The following POTEJ variants were observed in gnomAD, a reference collection of about 807,000 sequenced individuals.
POTEJ encodes the protein POTE ankyrin domain family, member J.
Under a neutral mutation model 69.0 loss-of-function variants are expected in POTEJ, and 11 were observed. The observed-to-expected ratio is 0.16, with a 90% CI of 0.10 to 0.26. POTEJ has a LOEUF of 0.26. Ranked by LOEUF, POTEJ falls within the 10% of genes least tolerant of loss-of-function variation. The pLI, the probability that POTEJ is intolerant of heterozygous loss-of-function variation, is 1.00. For missense variants in POTEJ, 327 were observed against 1,045.5 expected, an observed-to-expected ratio of 0.31 and a Z score of 9.48; for synonymous variants, 117 against 381.1, an observed-to-expected ratio of 0.31 and a Z score of 8.07.
chr2:130,615,813 C>T (rs147629292), intron 1 of POTEJ, among the ~76,000 whole-genome samples: 1 of 113,980 alleles, frequency 8.8e-6, no homozygotes, highest in Non-Finnish European at 1.9e-5. Flanking sequence ...TTTAAAACAA[C>T]AAAATTTATA....
At chr2:130,615,420 C>T (rs1236956645) in intron 1 of POTEJ, among the ~76,000 whole-genome samples, 1 of 123,492 alleles carries the variant, frequency 8.1e-6, no homozygotes, top group Non-Finnish European at 1.7e-5. Flanking sequence ...TAATATGCAG[C>T]CATAAAAGAA....
intron 10 of POTEJ, among the ~76,000 whole-genome samples, chr2:130,639,114 G>T (rs1686228737): frequency 6.6e-6 from 1 of 152,228 alleles, no homozygotes; most frequent in African/African-American, 2.4e-5. Flanking sequence ...GCTGCAATAT[G>T]AGCCATAAGG....
chr2:130,644,202 G>C (rs1273455898), intron 11 of POTEJ, 149 bp downstream of exon 11: 1 of 139,486 alleles, frequency 7.2e-6, no homozygotes, highest in African/African-American at 2.7e-5. Flanking sequence ...CAGGCAAGGT[G>C]GCTCACGCCT....
intron 10 of POTEJ, among the ~76,000 whole-genome samples, chr2:130,642,699 C>G (rs1686433741): frequency 6.6e-6 from 1 of 152,278 alleles, no homozygotes. Flanking sequence ...CTGACTTCTG[C>G]CCCACTCTCC....
intron 7 of POTEJ, among the ~76,000 whole-genome samples, chr2:130,630,553 TGATAC>T (rs1195254636): frequency 7.1e-6 from 1 of 141,122 alleles, no homozygotes; most frequent in Non-Finnish European, 1.5e-5. Context: ...TGTCAGTCAC[TGATAC>T]CAAGCTTAAA....
upstream of POTEJ, among the ~76,000 whole-genome samples, chr2:130,611,302 G>A (rs1162742367): frequency 5.7e-5 from 8 of 140,930 alleles, no homozygotes; most frequent in South Asian, 2.2e-4. Context: ...GTTTTCTTGG[G>A]GGGGGGGGGG....
rs1196253790 is a variant in POTEJ at position 130,656,576 on chromosome 2, GA to G, written c.1817del (p.Asp606AlafsTer16). On this transcript the variant is annotated frameshift_variant, in exon 15 of 15. Coordinates refer to ENST00000409602, the MANE Select transcript of POTEJ (RefSeq NM_001277083.2). LOFTEE classifies it high-confidence loss of function. ...ELSLSCKKER[D>X]FLHENSMLRE... ...TTCTCTTAGTTGTAAGAAAGAAAGAGACTTCTTGCATGAAAATAGTATGTTG... is the reference window on the plus strand; with the variant it reads ...TTCTCTTAGTTGTAAGAAAGAAAGAGCTTCTTGCATGAAAATAGTATGTTG... 2 of 1,609,558 alleles carry G rather than the reference GA, an allele frequency of 1.2e-6. No individual in the cohort carries two copies. Among genetic ancestry groups the G allele is most frequent in the Non-Finnish European group, 1.7e-6 (2 of 1,179,848 alleles).
chr2:130,624,289 ATAT>A (rs1316431875), intron 6 of POTEJ, among the ~76,000 whole-genome samples, 155 bp downstream of exon 6: 3 of 141,538 alleles, frequency 2.1e-5, no homozygotes, highest in Non-Finnish European at 4.5e-5. Flanking sequence ...GTGCTACTTT[ATAT>A]TATTATCACA....
chr2:130,639,942 T>C (rs1462467978), intron 10 of POTEJ, among the ~76,000 whole-genome samples: 3 of 152,242 alleles, frequency 2.0e-5, no homozygotes, highest in Non-Finnish European at 4.4e-5. Context: ...ATCATTGTCA[T>C]TTTTATTATT....
chr2:130,630,552 C>T (rs1685858174), intron 7 of POTEJ, among the ~76,000 whole-genome samples: 2 of 140,934 alleles, frequency 1.4e-5, no homozygotes, highest in East Asian at 1.9e-4. Context: ...TTGTCAGTCA[C>T]TGATACCAAG....
intron 9 of POTEJ, among the ~76,000 whole-genome samples, chr2:130,633,510 T>C (rs1472473205): frequency 2.4e-5 from 3 of 124,898 alleles, no homozygotes; most frequent in African/African-American, 9.7e-5. Context: ...CAACCATTTT[T>C]TACAAGTGAG....
At chr2:130,625,264 G>C (rs1453660678) in intron 6 of POTEJ, among the ~76,000 whole-genome samples, 1 of 152,104 alleles carries the variant, frequency 6.6e-6, no homozygotes, top group African/African-American at 2.4e-5. Flanking sequence ...AGAAAACATT[G>C]CTATTTATGT....
chr2:130,612,219 TGCA>T (rs1685235324), intron 1 of POTEJ, among the ~76,000 whole-genome samples: 1 of 150,970 alleles, frequency 6.6e-6, no homozygotes, highest in Admixed American at 6.6e-5. Context: ...ATTAAGTCAA[TGCA>T]GCAGATTATT....
At chr2:130,643,227 G>A (rs1686456668) in intron 10 of POTEJ, among the ~76,000 whole-genome samples, 1 of 144,978 alleles carries the variant, frequency 6.9e-6, no homozygotes. Flanking sequence ...ACTTCACATA[G>A]CATTGTTTCA....
intron 13 of POTEJ, among the ~76,000 whole-genome samples, chr2:130,646,618 G>C (rs1199684565): frequency 2.1e-5 from 3 of 145,600 alleles, no homozygotes; most frequent in South Asian, 2.1e-4. Context: ...TATCATGGAG[G>C]CTTGGGGTAC....
chr2:130,657,082 C>T lies in POTEJ; in HGVS notation c.2322C>T (p.Asn774=), dbSNP rs1362380516. 6 of 1,580,492 alleles carry T rather than the reference C, an allele frequency of 3.8e-6. No homozygotes were observed. In the South Asian group the frequency reaches 4.4e-5, roughly 12 times the overall value. Residue 774 remains asparagine, a synonymous_variant, in exon 15 of 15, where the codon AAC becomes AAT. Coordinates refer to ENST00000409602, the MANE Select transcript of POTEJ (RefSeq NM_001277083.2). ...HPILLTEAPL[N]PKANREKMTQ... ...TCCTGCTGACCGAGGCCCCCCTGAACCCCAAGGCCAACCGCGAGAAGATGA... is the reference window on the plus strand; with the variant it reads ...TCCTGCTGACCGAGGCCCCCCTGAATCCCAAGGCCAACCGCGAGAAGATGA...
At chr2:130,637,078 C>CAAAA (rs771768758) in intron 9 of POTEJ, among the ~76,000 whole-genome samples, 20 of 104,194 alleles carry the variant, frequency 1.9e-4, no homozygotes, top group South Asian at 1.0e-3. Context: ...GACTCCGTCT[C>CAAAA]AAAAAAAAAA....
intron 1 of POTEJ, among the ~76,000 whole-genome samples, chr2:130,614,171 A>G (rs1282627143): frequency 3.8e-3 from 347 of 90,754 alleles, no homozygotes; most frequent in African/African-American, 9.9e-3. Context: ...AAAAAAGAAA[A>G]AAAAAAAAAA....
intron 6 of POTEJ, among the ~76,000 whole-genome samples, chr2:130,628,874 A>T (rs1250327924): frequency 1.4e-5 from 2 of 145,978 alleles, no homozygotes; most frequent in African/African-American, 2.7e-5. Context: ...GAAAATTAGC[A>T]GGGCCTGATG....
Sources: allele counts gnomAD v4.1 joint callset (sites outside exome capture counted in the v4.1 genomes callset), GRCh38; gene constraint gnomAD v4.1.1; transcripts MANE v1.5; gene names NCBI Gene and HGNC (gene_info 2026-07-23, HGNC 2026-07-21).